FSTL4: variants seen among roughly 807,000 people sequenced by gnomAD.
The protein encoded by FSTL4 is follistatin-related protein 4.
In FSTL4, 28 loss-of-function variants were observed where a neutral mutation model predicts 78.2. The ratio of observed to expected loss-of-function variants is 0.36; its 90% CI spans 0.27 to 0.49. The LOEUF is 0.49. Ranked by LOEUF, FSTL4 falls within the 20% of genes least tolerant of loss-of-function variation. The probability of loss-of-function intolerance (pLI) is 0.98; values close to 1 mark genes in which losing one functional copy is unlikely to be tolerated. For missense variants in FSTL4, 922 were observed against 1,084.9 expected (o/e 0.85, Z 2.11); for synonymous variants, 422 against 440.5 (o/e 0.96, Z 0.53).
chr5:133,363,025 T>A (rs1337998385), intron 4 of FSTL4, among the ~76,000 whole-genome samples: 4 of 152,202 alleles, frequency 2.6e-5, no homozygotes, highest in Non-Finnish European at 4.4e-5. Context: ...GCTCTTATTT[T>A]AAACCTCTTC....
intron 6 of FSTL4, among the ~76,000 whole-genome samples, chr5:133,271,204 G>A (rs1752757984): frequency 6.6e-6 from 1 of 152,214 alleles, no homozygotes; most frequent in Non-Finnish European, 1.5e-5. Flanking sequence ...GCCCCTGGTA[G>A]GTGATTACAT....
At chr5:133,402,216 C>T (rs893869562) in intron 3 of FSTL4, among the ~76,000 whole-genome samples, 7 of 152,190 alleles carry the variant, frequency 4.6e-5, no homozygotes, top group Non-Finnish European at 5.9e-5. Context: ...CTGCACCCTA[C>T]AACACCCACA....
rs765919336 is a variant in FSTL4 at position 133,201,992 on chromosome 5, G to A, written c.1767C>T (p.Pro589=). The part of the protein sequence containing the change: ...TGQSQHLIRT[P]FAGVDDFFIP... ...TGAAGAAATCATCCACTCCTGCAAA[G>A]GGTGTGCGGATGAGGTGCTGGCTCT... Residue 589 remains proline (P), a synonymous_variant, in exon 15 of 16, where the codon CCC becomes CCT. Coordinates refer to ENST00000265342, the MANE Select transcript of FSTL4 (RefSeq NM_015082.2). 3.1e-6 allele frequency: 5 copies of A among 1,612,562 alleles called. No homozygotes were observed. The highest frequency in any genetic ancestry group is 4.2e-6 in the Non-Finnish European group (5 of 1,179,030).
the FSTL4 span, among the ~76,000 whole-genome samples, chr5:133,626,544 T>C: frequency 6.6e-6 from 1 of 150,968 alleles, no homozygotes; most frequent in Non-Finnish European, 1.5e-5. Flanking sequence ...ACTTTCCCTC[T>C]CAGAACTGCT....
chr5:133,431,927 T>G (rs1018102775), intron 3 of FSTL4, among the ~76,000 whole-genome samples: 1 of 152,184 alleles, frequency 6.6e-6, no homozygotes, highest in Non-Finnish European at 1.5e-5. Context: ...GCAAGATACA[T>G]TGGAACCATT....
chr5:133,719,004 A>G, the FSTL4 span, among the ~76,000 whole-genome samples: 1 of 152,254 alleles, frequency 6.6e-6, no homozygotes, highest in Non-Finnish European at 1.5e-5. Flanking sequence ...TATGATAGAT[A>G]TAAAAATATT....
chr5:133,456,642 G>T (rs1429822572), intron 3 of FSTL4, among the ~76,000 whole-genome samples: 1 of 151,804 alleles, frequency 6.6e-6, no homozygotes, highest in Non-Finnish European at 1.5e-5. Flanking sequence ...CTTTTTTTCT[G>T]AAGACTTGTC....
At chr5:133,445,837 A>AG (rs1757252524) in intron 3 of FSTL4, among the ~76,000 whole-genome samples, 2 of 152,262 alleles carry the variant, frequency 1.3e-5, no homozygotes, top group Admixed American at 6.5e-5. Flanking sequence ...GTTTTAAAGG[A>AG]GAAAAAAAAA....
chr5:133,831,786 TGA>T, the FSTL4 span, among the ~76,000 whole-genome samples: 8 of 152,136 alleles, frequency 5.3e-5, 1 homozygote, highest in African/African-American at 1.7e-4. Flanking sequence ...TGCTAATTTG[TGA>T]GAGAGGGGAC....
chr5:133,402,947 C>T (rs570759348), intron 3 of FSTL4, among the ~76,000 whole-genome samples: 22 of 152,312 alleles, frequency 1.4e-4, no homozygotes, highest in African/African-American at 4.3e-4. Flanking sequence ...GGGAAGGAGG[C>T]GGAAGGCAGG....
At chr5:133,831,491 C>T in the FSTL4 span, among the ~76,000 whole-genome samples, 54 of 152,080 alleles carry the variant, frequency 3.6e-4, no homozygotes, top group Admixed American at 3.5e-3. Flanking sequence ...TGGCTAATGG[C>T]GTTATTAATA....
the FSTL4 span, among the ~76,000 whole-genome samples, chr5:133,645,018 G>A: frequency 6.6e-6 from 1 of 151,884 alleles, no homozygotes; most frequent in Non-Finnish European, 1.5e-5. Flanking sequence ...TGTCCCTTTG[G>A]TCCTAATGGT....
chr5:133,684,003 T>C, the FSTL4 span, among the ~76,000 whole-genome samples: 3,272 of 152,292 alleles, frequency 0.021, 56 homozygotes, highest in Non-Finnish European at 0.032. Flanking sequence ...TCATGCTAGA[T>C]GGCTATACTG....
At chr5:133,505,254 T>A (rs1404809949) in intron 3 of FSTL4, among the ~76,000 whole-genome samples, 1 of 152,236 alleles carries the variant, frequency 6.6e-6, no homozygotes, top group Non-Finnish European at 1.5e-5. Context: ...CAAGTTTTGT[T>A]TTTATAACCA....
At chr5:133,744,578 G>A in the FSTL4 span, among the ~76,000 whole-genome samples, 2 of 152,140 alleles carry the variant, frequency 1.3e-5, no homozygotes, top group South Asian at 2.1e-4. Flanking sequence ...TCTTTGCTCC[G>A]GTGGAAATCA....
At chr5:133,817,758 G>T in the FSTL4 span, among the ~76,000 whole-genome samples, 1 of 152,180 alleles carries the variant, frequency 6.6e-6, no homozygotes, top group Non-Finnish European at 1.5e-5. Flanking sequence ...GGGTGTTCTG[G>T]CCCAGAAATA....
At chr5:133,757,017 C>T in the FSTL4 span, among the ~76,000 whole-genome samples, 9 of 152,198 alleles carry the variant, frequency 5.9e-5, no homozygotes, top group Admixed American at 5.9e-4. Flanking sequence ...TCAGTGAGAG[C>T]CATATCTGGC....
the FSTL4 span, among the ~76,000 whole-genome samples, chr5:133,679,194 T>C: frequency 6.6e-6 from 1 of 152,022 alleles, no homozygotes; most frequent in African/African-American, 2.4e-5. Flanking sequence ...GAGCCCAAGG[T>C]TTTAATCATA....
At position 133,426,425 on chromosome 5, in the gene FSTL4, C is replaced by T. The variant is rs1171985455; in HGVS notation, c.161-25439G>A. On this transcript the variant is annotated intron_variant, in intron 3 of 15. Coordinates refer to ENST00000265342, the MANE Select transcript of FSTL4 (RefSeq NM_015082.2). The surrounding 1 kb of genome is among the most constrained non-coding windows in gnomAD (Gnocchi z 5.0). ...GGTTCTGGGCAGATGAATAGCGCTG[C>T]CCTGCCCCCTCCGCACTCCCTAATT... 6.6e-6 allele frequency among the ~76,000 whole-genome samples: 1 copy of T among 152,138 alleles called. No individual in the cohort carries two copies. The highest frequency in any genetic ancestry group is 3.2e-3 in the Middle Eastern group (1 of 316).
Sources: allele counts gnomAD v4.1 joint callset (sites outside exome capture counted in the v4.1 genomes callset), GRCh38; gene constraint gnomAD v4.1.1; non-coding constraint Gnocchi (gnomAD v3.1); transcripts MANE v1.5; gene names NCBI Gene and HGNC (gene_info 2026-07-23, HGNC 2026-07-21).